Variants in NCKAP5 observed in about 807,000 individuals in gnomAD.
The protein encoded by NCKAP5 is nck-associated protein 5.
Under a neutral mutation model 167.0 loss-of-function variants are expected in NCKAP5, and 92 were observed. The observed-to-expected ratio is 0.55, with a 90% CI of 0.47 to 0.66. The LOEUF is 0.66. Ranked by LOEUF, NCKAP5 falls within the 30% of genes least tolerant of loss-of-function variation. NCKAP5 has a pLI of 0.00. For missense variants in NCKAP5, 2,378 were observed against 2,315.0 expected, an observed-to-expected ratio of 1.03 and a Z score of -0.56; for synonymous variants, 891 against 877.4, an observed-to-expected ratio of 1.02 and a Z score of -0.27.
intron 6 of NCKAP5, among the ~76,000 whole-genome samples, chr2:133,029,341 C>T (rs2078801545): frequency 6.6e-6 from 1 of 152,166 alleles, no homozygotes; most frequent in Admixed American, 6.5e-5. Flanking sequence ...GTAGGCATTA[C>T]TGTCCCCATT....
chr2:132,793,477 TTC>T (rs1486620361), intron 12 of NCKAP5, among the ~76,000 whole-genome samples: 1 of 152,232 alleles, frequency 6.6e-6, no homozygotes, highest in Non-Finnish European at 1.5e-5. Flanking sequence ...AAAATGCAGA[TTC>T]TGATTCGGTA....
intron 4 of NCKAP5, among the ~76,000 whole-genome samples, chr2:133,243,044 G>A (rs760496226): frequency 5.9e-5 from 9 of 152,046 alleles, no homozygotes; most frequent in Non-Finnish European, 1.0e-4. Context: ...ACCATATTAT[G>A]CTATAAAATC....
chr2:133,526,250 AGGG>A lies in NCKAP5; in HGVS notation c.-61-8666_-61-8664del, dbSNP rs1558755517. 6.6e-4 allele frequency among the ~76,000 whole-genome samples: 31 copies of A among 46,766 alleles called. 2 individuals are homozygous for A. Among genetic ancestry groups the A allele is most frequent in the African/African-American group, 2.2e-3 (25 of 11,506 alleles). 30.7% of individuals were successfully genotyped at this position (46,766 alleles called of 152,430 possible). On this transcript the variant is annotated intron_variant, in intron 2 of 19. Transcript: ENST00000409261. ...AAGAAAGGAAAGGAGGGAGGGAAGG[AGGG>A]AGGGAGGGAAGGAGGGAGGGAGGGA...
At chr2:133,442,909 C>T (rs1466099705) in intron 3 of NCKAP5, among the ~76,000 whole-genome samples, 1 of 152,170 alleles carries the variant, frequency 6.6e-6, no homozygotes, top group Non-Finnish European at 1.5e-5. Context: ...CCAGAACACC[C>T]CTACTCTTCA....
chr2:132,987,456 C>T (rs978088035), intron 7 of NCKAP5, among the ~76,000 whole-genome samples: 21 of 152,226 alleles, frequency 1.4e-4, no homozygotes, highest in Admixed American at 1.4e-3. Context: ...TCTCTTTCCC[C>T]ATGCTTAATT....
At chr2:132,780,466 A>G (rs942482993) in intron 15 of NCKAP5, among the ~76,000 whole-genome samples, 3 of 152,166 alleles carry the variant, frequency 2.0e-5, no homozygotes, top group African/African-American at 7.2e-5. Context: ...TTTAATTTTT[A>G]AAAAGAAGGC....
At chr2:132,734,321 CT>C (rs1691307195) in intron 16 of NCKAP5, among the ~76,000 whole-genome samples, 1 of 152,214 alleles carries the variant, frequency 6.6e-6, no homozygotes, top group Non-Finnish European at 1.5e-5. Context: ...ACATACAACA[CT>C]TCAGATTTAC....
intron 4 of NCKAP5, chr2:133,265,063 G>T (rs2089122368): frequency 6.6e-6 from 1 of 152,222 alleles, no homozygotes; most frequent in African/African-American, 2.4e-5. Context: ...CTGAGGAAGG[G>T]ATACTGATAT....
chr2:133,342,953 C>T (rs915832413), intron 3 of NCKAP5, among the ~76,000 whole-genome samples: 11 of 152,188 alleles, frequency 7.2e-5, no homozygotes, highest in African/African-American at 2.7e-4. Flanking sequence ...ATTTCTACAA[C>T]TAGATGGGAG....
intron 3 of NCKAP5, chr2:133,433,879 T>C (rs1281448115): frequency 6.6e-6 from 1 of 152,194 alleles, no homozygotes; most frequent in African/African-American, 2.4e-5. Flanking sequence ...ACTACAGATC[T>C]ATCTAACTTC....
intron 3 of NCKAP5, among the ~76,000 whole-genome samples, chr2:133,363,651 T>C (rs568078779): frequency 7.9e-5 from 12 of 152,296 alleles, no homozygotes; most frequent in Admixed American, 5.2e-4. Flanking sequence ...GCATGTCTTA[T>C]GATCACTCTG....
intron 3 of NCKAP5, among the ~76,000 whole-genome samples, chr2:133,353,670 G>A (rs1001014467): frequency 2.0e-5 from 3 of 152,172 alleles, no homozygotes; most frequent in East Asian, 3.9e-4. Flanking sequence ...AGCAGATGAG[G>A]TGGTGAGAAA....
At chr2:133,390,668 A>C (rs888623845) in intron 3 of NCKAP5, among the ~76,000 whole-genome samples, 64 of 152,266 alleles carry the variant, frequency 4.2e-4, no homozygotes, top group African/African-American at 1.5e-3. Context: ...AGTGGTTCTT[A>C]ACCCTCACTG....
At chr2:132,890,117 G>A (rs1692573743) in intron 8 of NCKAP5, among the ~76,000 whole-genome samples, 1 of 152,168 alleles carries the variant, frequency 6.6e-6, no homozygotes, top group African/African-American at 2.4e-5. Flanking sequence ...AATAAGATCA[G>A]AAAAGGTATT....
chr2:133,302,802 A>T lies in NCKAP5; in HGVS notation c.143+235T>A, dbSNP rs538071948. ...ATAATAAAAAAATAAAAATAAAAAA[A>T]ATAAATAAATAAATAAATAAATAAA... On this transcript the variant is annotated intron_variant, in intron 4 of 19. Transcript: ENST00000409261. Among the ~76,000 whole-genome samples the T allele has an allele frequency of 4.0e-5, 6 of 150,934 alleles. No individual in the cohort carries two copies. The South Asian group carries it at 1.3e-3, about 32-fold the overall frequency.
chr2:132,725,651 T>G lies in NCKAP5; in HGVS notation c.5689A>C (p.Lys1897Gln). 6.2e-7 allele frequency: 1 copy of G among 1,611,714 alleles called. No individual in the cohort carries two copies. The highest frequency in any genetic ancestry group is 8.5e-7 in the Non-Finnish European group (1 of 1,179,064). Reference protein sequence around the residue: ...GFGAGRGQLVKALKSAAPEIE... With the variant: ...GFGAGRGQLVQALKSAAPEIE... ...CCTGGGGCAGCGCTCTTCAGTGCTT[T>G]CACTAACTGTCCCCTTCCAGCTCCA... The change falls in exon 19 of 20, where the codon AAA becomes CAA. Residue 1897 changes from lysine (K) to glutamine (Q), a missense_variant. By Grantham distance (53) the Lys-to-Gln change is moderately conservative (BLOSUM62 1). This residue lies in a region of NCKAP5 where 1,325 missense variants were observed against 1,274.5 expected (regional missense o/e 1.04). Transcript: ENST00000409261.
intron 5 of NCKAP5, among the ~76,000 whole-genome samples, chr2:133,153,833 C>CTTTTTTTTTTTT (rs570596198): frequency 9.1e-6 from 1 of 109,764 alleles, no homozygotes; most frequent in Non-Finnish European, 1.8e-5. Context: ...GTTCCTCCTT[C>CTTTTTTTTTTTT]TTTTTTTTTT....
At chr2:133,195,493 A>G (rs1357331423) in intron 5 of NCKAP5, among the ~76,000 whole-genome samples, 1 of 152,170 alleles carries the variant, frequency 6.6e-6, no homozygotes, top group African/African-American at 2.4e-5. Flanking sequence ...AGCCACTATC[A>G]ATCACTAGGC....
At chr2:132,810,325 G>A (rs1445566343) in intron 11 of NCKAP5, among the ~76,000 whole-genome samples, 1 of 152,182 alleles carries the variant, frequency 6.6e-6, no homozygotes, top group Non-Finnish European at 1.5e-5. Context: ...GGTCTCTAGT[G>A]AGGCCAGGAA....
Sources: allele counts gnomAD v4.1 joint callset (sites outside exome capture counted in the v4.1 genomes callset), GRCh38; gene constraint gnomAD v4.1.1; regional missense constraint gnomAD v4.1.1; transcripts MANE v1.5; gene names NCBI Gene and HGNC (gene_info 2026-07-23, HGNC 2026-07-21).